Variants in PLEKHA6 observed in about 807,000 individuals in gnomAD.
PLEKHA6 encodes pleckstrin homology domain containing A6.
PLEKHA6 carries 60 observed loss-of-function variants against 116.7 expected under a neutral mutation model. The ratio of observed to expected loss-of-function variants is 0.51; its 90% confidence interval spans 0.42 to 0.64. The LOEUF (loss-of-function observed/expected upper bound fraction) is 0.64. PLEKHA6 is among the 30% of genes least tolerant of loss of function. PLEKHA6 has a pLI of 0.00. For missense variants in PLEKHA6, 1,338 were observed against 1,422.7 expected (o/e 0.94, Z 0.96); for synonymous variants, 489 against 556.1 (o/e 0.88, Z 1.70).
intron 1 of PLEKHA6, among the ~76,000 whole-genome samples, chr1:204,375,249 C>A (rs1344783233): frequency 6.6e-6 from 1 of 152,104 alleles, no homozygotes; most frequent in Non-Finnish European, 1.5e-5. Flanking sequence ...AAACTCTATC[C>A]TGTATATCCA....
chr1:204,306,775 C>T (rs1334890240), intron 1 of PLEKHA6, among the ~76,000 whole-genome samples: 1 of 152,130 alleles, frequency 6.6e-6, no homozygotes, highest in African/African-American at 2.4e-5. Context: ...AAGCCCAAAC[C>T]TCAGCATTAT....
At chr1:204,232,857 G>A (rs1661389840) in intron 17 of PLEKHA6, among the ~76,000 whole-genome samples, 2 of 152,068 alleles carry the variant, frequency 1.3e-5, no homozygotes, top group South Asian at 4.1e-4. Context: ...GAAACCTAAT[G>A]GAATTTCCCC....
Position 204,241,472 on chromosome 1 carries a change from A to T in PLEKHA6, c.2312T>A (p.Val771Glu). The T allele has an allele frequency of 6.2e-7, 1 of 1,601,522 alleles. No homozygotes were observed. The highest frequency in any genetic ancestry group is 8.5e-7 in the Non-Finnish European group (1 of 1,173,610). ...AGTGGGCGATTTTGTCCGAGGGGGC[A>T]CAACGCCAACTGCAGAAAGACAGAG... ...KQAALNKVGV[V>E]PPRTKSPTDD... Residue 771 changes from valine (V) to glutamate (E), a missense_variant, in exon 17 of 23, where the codon GTG becomes GAG. Around this residue, in one of 3 missense-constraint regions of PLEKHA6, gnomAD observed 1,136 missense variants for 1,163.6 expected, o/e 0.98. Coordinates refer to ENST00000272203, the MANE Select transcript of PLEKHA6 (RefSeq NM_014935.5).
At chr1:204,326,371 A>C (rs72752023) in intron 1 of PLEKHA6, among the ~76,000 whole-genome samples, 1,851 of 152,292 alleles carry the variant, frequency 0.012, 20 homozygotes, top group Non-Finnish European at 0.018. Context: ...ACTATGTGCA[A>C]AGCACTGGCA....
intron 1 of PLEKHA6, among the ~76,000 whole-genome samples, chr1:204,322,390 A>G (rs1302434005): frequency 6.6e-6 from 1 of 152,194 alleles, no homozygotes; most frequent in African/African-American, 2.4e-5. Context: ...TCCTTCTGGA[A>G]GTTCTCTGTG....
chr1:204,323,247 C>A (rs1040177415), intron 1 of PLEKHA6, among the ~76,000 whole-genome samples: 1 of 152,258 alleles, frequency 6.6e-6, no homozygotes, highest in African/African-American at 2.4e-5. Flanking sequence ...ATGGGGCACT[C>A]TCCCAAGGAC....
chr1:204,293,347 C>A (rs921558410), intron 1 of PLEKHA6, among the ~76,000 whole-genome samples: 1 of 152,200 alleles, frequency 6.6e-6, no homozygotes, highest in Non-Finnish European at 1.5e-5. Context: ...GCTGGCCAGG[C>A]TGATCTCGAA....
intron 12 of PLEKHA6, 88 bp from the exon 13 acceptor site, chr1:204,247,548 C>G (rs1414653362): frequency 1.2e-6 from 1 of 825,174 alleles, no homozygotes; most frequent in Admixed American, 2.0e-5. Flanking sequence ...GCCAGGGTAC[C>G]AGAGGCACAA....
intron 13 of PLEKHA6, among the ~76,000 whole-genome samples, chr1:204,247,025 A>G (rs1436110064): frequency 6.6e-6 from 1 of 152,104 alleles, no homozygotes; most frequent in Non-Finnish European, 1.5e-5. Flanking sequence ...GGTCCCAGCT[A>G]CTCAGGAGGC....
At chr1:204,301,389 C>T (rs1670799234) in intron 1 of PLEKHA6, 1 of 982,722 alleles carries the variant, frequency 1.0e-6, no homozygotes, top group African/African-American at 1.7e-5. Flanking sequence ...AGCTCATCAG[C>T]CTACAGCAAT....
chr1:204,337,271 G>A (rs1226647057), intron 1 of PLEKHA6, among the ~76,000 whole-genome samples: 1 of 152,130 alleles, frequency 6.6e-6, no homozygotes, highest in Non-Finnish European at 1.5e-5. Context: ...CAATGCTTCA[G>A]GCCAGAGAAT....
intron 1 of PLEKHA6, among the ~76,000 whole-genome samples, chr1:204,306,653 A>C (rs1461160330): frequency 6.6e-6 from 1 of 152,246 alleles, no homozygotes; most frequent in African/African-American, 2.4e-5. Flanking sequence ...TAGATTTATA[A>C]GAAATGTTCC....
At chr1:204,331,015 C>T (rs373009054) in intron 1 of PLEKHA6, among the ~76,000 whole-genome samples, 13 of 152,070 alleles carry the variant, frequency 8.5e-5, no homozygotes, top group South Asian at 8.3e-4. Context: ...GCCAACATGA[C>T]GAAACCCCAT....
intron 18 of PLEKHA6, among the ~76,000 whole-genome samples, chr1:204,229,466 T>G (rs1310387793): frequency 6.6e-6 from 1 of 152,178 alleles, no homozygotes; most frequent in Non-Finnish European, 1.5e-5. Flanking sequence ...CTAGCTGGAG[T>G]ACAGTCACAG....
At chr1:204,247,656 A>G (rs1663911146) in intron 12 of PLEKHA6, among the ~76,000 whole-genome samples, 196 bp from the exon 13 acceptor site, 1 of 152,194 alleles carries the variant, frequency 6.6e-6, no homozygotes, top group Admixed American at 6.5e-5. Flanking sequence ...GAGATGTAAC[A>G]GCCCATCCCA....
intron 9 of PLEKHA6, among the ~76,000 whole-genome samples, chr1:204,255,215 A>G (rs1665112620): frequency 6.6e-6 from 1 of 152,154 alleles, no homozygotes; most frequent in African/African-American, 2.4e-5. Context: ...AACCTGTAAA[A>G]TATGATAAGA....
intron 9 of PLEKHA6, chr1:204,251,460 G>A (rs1664547211): frequency 7.3e-6 from 5 of 682,466 alleles, no homozygotes; most frequent in Non-Finnish European, 1.3e-5. Context: ...CATCCTAGAT[G>A]GGCAACTCGA....
chr1:204,289,275 G>C (rs1323246400), intron 1 of PLEKHA6, among the ~76,000 whole-genome samples: 1 of 152,068 alleles, frequency 6.6e-6, no homozygotes, highest in Non-Finnish European at 1.5e-5. Flanking sequence ...TTTTTACCAT[G>C]ATCATAAATG....
intron 1 of PLEKHA6, among the ~76,000 whole-genome samples, chr1:204,323,522 C>G (rs1332683144): frequency 6.6e-6 from 1 of 152,220 alleles, no homozygotes; most frequent in Non-Finnish European, 1.5e-5. Context: ...AAAGTGATGA[C>G]TTCTCAACTG....
Sources: allele counts gnomAD v4.1 joint callset (sites outside exome capture counted in the v4.1 genomes callset), GRCh38; gene constraint gnomAD v4.1.1; regional missense constraint gnomAD v4.1.1; transcripts MANE v1.5; gene names NCBI Gene and HGNC (gene_info 2026-07-23, HGNC 2026-07-21).